Variants in TRPS1 observed in about 807,000 individuals in gnomAD.
TRPS1 encodes the protein transcriptional repressor GATA binding 1.
A neutral mutation model predicts 101.2 loss-of-function variants in TRPS1; 6 were observed. The observed-to-expected ratio is 0.06, with a 90% CI of 0.03 to 0.12. TRPS1 has a LOEUF of 0.12. TRPS1 is among the 10% of genes least tolerant of loss of function. The pLI is 1.00. For missense variants in TRPS1, 1,363 were observed against 1,567.0 expected, an observed-to-expected ratio of 0.87 and a Z score of 2.20; for synonymous variants, 578 against 589.8, an observed-to-expected ratio of 0.98 and a Z score of 0.29.
At chr8:115,584,031 T>A (rs1030563861) in intron 5 of TRPS1, among the ~76,000 whole-genome samples, 5 of 149,510 alleles carry the variant, frequency 3.3e-5, no homozygotes, top group African/African-American at 4.9e-5. Flanking sequence ...AAAACCAGTT[T>A]AAAAAAAAAA....
At chr8:115,558,941 A>G (rs948601771) in intron 5 of TRPS1, among the ~76,000 whole-genome samples, 1 of 152,270 alleles carries the variant, frequency 6.6e-6, no homozygotes, top group African/African-American at 2.4e-5. Flanking sequence ...AAAAAAATTC[A>G]TATGTTAAGG....
At chr8:115,565,479 A>G (rs1213866451) in intron 5 of TRPS1, among the ~76,000 whole-genome samples, 1 of 102,758 alleles carries the variant, frequency 9.7e-6, no homozygotes, top group African/African-American at 5.2e-5. Context: ...ATTGGAAAAA[A>G]TGACAGGTTT....
chr8:115,652,579 G>A (rs1414863956), intron 1 of TRPS1, among the ~76,000 whole-genome samples: 1 of 152,106 alleles, frequency 6.6e-6, no homozygotes, highest in Non-Finnish European at 1.5e-5. Context: ...ACTTTCAAAG[G>A]AGCCATATTC....
chr8:115,576,635 A>G (rs1189045265), intron 5 of TRPS1, among the ~76,000 whole-genome samples: 2 of 152,134 alleles, frequency 1.3e-5, no homozygotes, highest in African/African-American at 4.8e-5. Flanking sequence ...ATCACAAGGG[A>G]AGAGCAAAAA....
At chr8:115,621,226 T>G (rs1818385966) in intron 2 of TRPS1, among the ~76,000 whole-genome samples, 1 of 152,206 alleles carries the variant, frequency 6.6e-6, no homozygotes, top group Non-Finnish European at 1.5e-5. Flanking sequence ...TCTTAATCAC[T>G]CAGCTTAAAA....
intron 1 of TRPS1, among the ~76,000 whole-genome samples, chr8:115,629,492 A>G (rs1052834808): frequency 3.3e-5 from 5 of 151,926 alleles, no homozygotes; most frequent in Non-Finnish European, 7.4e-5. Context: ...TCTTTGAGCT[A>G]AATAGATTAT....
Position 115,409,503 on chromosome 8 carries a change from T to C in TRPS1, c.*4520A>G, listed in dbSNP as rs1043803064. On this transcript the variant is annotated 3_prime_UTR_variant, in exon 7 of 7. Transcript: ENST00000395715. ...ACTCTTGAATTTCACATTTTCTTCA[T>C]GTGACATACTTGACATACTTCTGCC... 2 of 152,064 alleles carry C rather than the reference T, an allele frequency of 1.3e-5. No individual in the cohort carries two copies. The highest frequency in any genetic ancestry group is 4.8e-5 in the African/African-American group (2 of 41,428). 9.4% of individuals were successfully genotyped at this position (152,064 alleles called of 1,614,324 possible).
intron 5 of TRPS1, among the ~76,000 whole-genome samples, chr8:115,550,837 C>T (rs1194432912): frequency 1.3e-5 from 2 of 152,160 alleles, no homozygotes; most frequent in East Asian, 1.9e-4. Flanking sequence ...TAAACATTAG[C>T]GAGAATCAGT....
intron 5 of TRPS1, among the ~76,000 whole-genome samples, chr8:115,567,542 GAT>G (rs1478791747): frequency 1.3e-5 from 2 of 152,036 alleles, no homozygotes; most frequent in Non-Finnish European, 2.9e-5. Flanking sequence ...TAAATATTCA[GAT>G]ATGGATTCAA....
At chr8:115,550,856 T>C (rs577630753) in intron 5 of TRPS1, among the ~76,000 whole-genome samples, 12 of 152,328 alleles carry the variant, frequency 7.9e-5, no homozygotes, top group Non-Finnish European at 1.5e-4. Flanking sequence ...GTCCCTTCCA[T>C]TGAGGGACTT....
At chr8:115,650,367 A>G (rs1435430238) in intron 1 of TRPS1, among the ~76,000 whole-genome samples, 2 of 152,236 alleles carry the variant, frequency 1.3e-5, no homozygotes, top group Non-Finnish European at 2.9e-5. Context: ...GAAGGCATAG[A>G]TAAGTGCAAG....
intron 5 of TRPS1, among the ~76,000 whole-genome samples, chr8:115,472,231 A>T (rs1393608966): frequency 6.6e-6 from 1 of 152,212 alleles, no homozygotes; most frequent in Admixed American, 6.5e-5. Context: ...TCTGTAATCT[A>T]GGCCAATGTT....
intron 5 of TRPS1, among the ~76,000 whole-genome samples, chr8:115,523,187 T>C (rs1010116914): frequency 2.0e-5 from 3 of 152,028 alleles, no homozygotes; most frequent in African/African-American, 7.2e-5. Flanking sequence ...AACAGAAATA[T>C]ATAAGAATTG....
rs967441216 is a variant in TRPS1 at position 115,587,174 on chromosome 8, T to C, written c.2527A>G (p.Ser843Gly). ...AGATGGGCGGCCTCCACATTGGGACTATCCCTTAGAGTCTTTGTCTGCTCT... is the reference window on the plus strand; with the variant it reads ...AGATGGGCGGCCTCCACATTGGGACCATCCCTTAGAGTCTTTGTCTGCTCT... ...TQEQTKTLRD[S>G]PNVEAAHLAR... Residue 843 changes from serine to glycine, a missense_variant, in exon 5 of 7, where the codon AGT (serine) becomes GGT (glycine). Coordinates refer to ENST00000395715, the MANE Select transcript of TRPS1 (RefSeq NM_014112.5). The C allele has an allele frequency of 4.3e-6, 7 of 1,614,102 alleles. No homozygotes were observed. The South Asian group carries it at 5.5e-5, about 13-fold the overall frequency.
chr8:115,508,430 C>T (rs1815499464), intron 5 of TRPS1, among the ~76,000 whole-genome samples: 1 of 152,084 alleles, frequency 6.6e-6, no homozygotes, highest in African/African-American at 2.4e-5. Flanking sequence ...GTACTGTCCT[C>T]AGCCGAGGAA....
At chr8:115,417,157 T>G (rs1407644145) in intron 6 of TRPS1, among the ~76,000 whole-genome samples, 1 of 152,114 alleles carries the variant, frequency 6.6e-6, no homozygotes, top group Non-Finnish European at 1.5e-5. Flanking sequence ...TGCCCTATGA[T>G]TGGCCAGACT....
At chr8:115,651,855 A>G (rs1811566964) in intron 1 of TRPS1, among the ~76,000 whole-genome samples, 1 of 152,178 alleles carries the variant, frequency 6.6e-6, no homozygotes, top group Admixed American at 6.5e-5. Context: ...CACTATAGTA[A>G]GGATAGACAC....
At chr8:115,484,443 A>G (rs1167068453) in intron 5 of TRPS1, among the ~76,000 whole-genome samples, 1 of 152,176 alleles carries the variant, frequency 6.6e-6, no homozygotes, top group Non-Finnish European at 1.5e-5. Flanking sequence ...AGTAATAGCT[A>G]TAGTACTTAG....
intron 5 of TRPS1, among the ~76,000 whole-genome samples, chr8:115,532,025 A>G (rs1319617327): frequency 6.6e-6 from 1 of 152,130 alleles, no homozygotes; most frequent in Admixed American, 6.6e-5. Flanking sequence ...ATATCTGAAG[A>G]AAAAGGAGTC....
Sources: gnomAD v4.1 joint callset for allele counts (sites outside exome capture counted in the v4.1 genomes callset) on GRCh38, gnomAD v4.1.1 for gene constraint, MANE v1.5 for transcripts, NCBI Gene and HGNC (gene_info 2026-07-23, HGNC 2026-07-21) for gene names.